The following VPS72 variants were observed in gnomAD, a reference collection of about 807,000 sequenced individuals.
VPS72 encodes the protein vacuolar protein sorting 72 homolog, also known as vacuolar protein sorting-associated protein 72 homolog.
In VPS72, 27 loss-of-function variants were observed where a neutral mutation model predicts 38.9. That is an observed-to-expected ratio of 0.69 (90% CI 0.51 to 0.96). VPS72 has a LOEUF of 0.96. Among genes scored for constraint, VPS72 ranks in the 40% least tolerant of loss-of-function variants. The probability of loss-of-function intolerance (pLI) is 0.00; values close to 1 mark genes in which losing one functional copy is unlikely to be tolerated. For missense variants in VPS72, 360 were observed against 479.5 expected (o/e 0.75, Z 2.33); for synonymous variants, 173 against 186.3 (o/e 0.93, Z 0.58).
intron 4 of VPS72, among the ~76,000 whole-genome samples, chr1:151,180,008 A>C (rs1005012853): frequency 6.6e-6 from 1 of 151,754 alleles, no homozygotes; most frequent in African/African-American, 2.4e-5. Context: ...ACAATTCCCT[A>C]AAGTCTGACC....
intron 1 of VPS72, among the ~76,000 whole-genome samples, chr1:151,189,081 G>A (rs773869431): frequency 1.2e-4 from 18 of 152,052 alleles, no homozygotes; most frequent in Non-Finnish European, 1.9e-4. Context: ...CACCCGCCTC[G>A]GCCTTCCAAA....
At chr1:151,188,894 G>C (rs1177085309) in intron 1 of VPS72, among the ~76,000 whole-genome samples, 1 of 151,886 alleles carries the variant, frequency 6.6e-6, no homozygotes, top group Non-Finnish European at 1.5e-5. Context: ...GCAGTGGTAC[G>C]ATCTCGGCTC....
At chr1:151,188,568 A>C (rs906131580) in intron 1 of VPS72, among the ~76,000 whole-genome samples, 8 of 152,202 alleles carry the variant, frequency 5.3e-5, no homozygotes, top group African/African-American at 1.9e-4. Flanking sequence ...CAGGCTTATC[A>C]ATCTTTAGTC....
chr1:151,187,306 G>A (rs1207013131), intron 1 of VPS72, among the ~76,000 whole-genome samples: 1 of 152,126 alleles, frequency 6.6e-6, no homozygotes, highest in Non-Finnish European at 1.5e-5. Context: ...CAGACTAATG[G>A]GCTAATCTTG....
chr1:151,183,456 C>T (rs1328772661), intron 4 of VPS72, among the ~76,000 whole-genome samples: 1 of 149,100 alleles, frequency 6.7e-6, no homozygotes, highest in East Asian at 2.0e-4. Flanking sequence ...AAAGGAAAAC[C>T]TGGGAGTCAC....
At chr1:151,179,540 A>C (rs1285863003) in intron 4 of VPS72, among the ~76,000 whole-genome samples, 1 of 151,284 alleles carries the variant, frequency 6.6e-6, no homozygotes, top group East Asian at 1.9e-4. Context: ...CAGAGCTTGC[A>C]GTGAGCTGAG....
rs201073461 is a variant in VPS72 at position 151,189,995 on chromosome 1, C to G, written c.117+10G>C. 4,638 of 1,613,894 alleles carry G rather than the reference C, an allele frequency of 2.9e-3. 11 individuals carry two copies. The highest frequency in any genetic ancestry group is 3.2e-3 in the Non-Finnish European group (3,798 of 1,179,830). On this transcript the variant is annotated intron_variant, in intron 1 of 5. Transcript: ENST00000368892. ...CTCCTCCCCTCCCTTTTCCCAGGCCCGGATCTTGCCTCTGTGAAACCCCCA... is the reference window on the plus strand; with the variant it reads ...CTCCTCCCCTCCCTTTTCCCAGGCCGGGATCTTGCCTCTGTGAAACCCCCA...
At chr1:151,178,630 C>T (rs943828385) in intron 4 of VPS72, among the ~76,000 whole-genome samples, 3 of 151,040 alleles carry the variant, frequency 2.0e-5, no homozygotes, top group Non-Finnish European at 4.4e-5. Context: ...GATCATATCT[C>T]CAAAAAAAAA....
intron 4 of VPS72, among the ~76,000 whole-genome samples, chr1:151,180,237 T>A (rs1405130843): frequency 6.6e-6 from 1 of 151,102 alleles, no homozygotes; most frequent in Non-Finnish European, 1.5e-5. Flanking sequence ...GACAATCACT[T>A]GAACCTGGGA....
intron 4 of VPS72, among the ~76,000 whole-genome samples, chr1:151,181,838 G>A (rs896182072): frequency 2.0e-5 from 3 of 152,118 alleles, no homozygotes; most frequent in African/African-American, 7.2e-5. Context: ...GACATCAGGT[G>A]AGAACCTCCG....
chr1:151,181,190 G>C (rs909127297), intron 4 of VPS72, among the ~76,000 whole-genome samples: 2 of 151,450 alleles, frequency 1.3e-5, no homozygotes, highest in Non-Finnish European at 1.5e-5. Context: ...CTTCAACACT[G>C]CATGGCCACA....
At chr1:151,187,182 G>A (rs1684370662) in intron 1 of VPS72, among the ~76,000 whole-genome samples, 1 of 152,118 alleles carries the variant, frequency 6.6e-6, no homozygotes, top group African/African-American at 2.4e-5. Flanking sequence ...AACTGGTTAG[G>A]GCTAGAATGG....
At chr1:151,183,421 C>CAA (rs769884773) in intron 4 of VPS72, among the ~76,000 whole-genome samples, 41 of 50,824 alleles carry the variant, frequency 8.1e-4, no homozygotes, top group Admixed American at 1.1e-3. Context: ...GACTCTGTCT[C>CAA]AAAAAAAAAA....
intron 5 of VPS72, 75 bp from the exon 6 acceptor site, chr1:151,177,106 G>C: frequency 6.9e-7 from 1 of 1,449,152 alleles, no homozygotes; most frequent in Non-Finnish European, 9.1e-7. Flanking sequence ...AGGAAATCAG[G>C]CTGGGTGCAG....
rs781296952 is a variant in VPS72, at chr1:151,185,575, C to T, written c.316G>A (p.Gly106Ser). 6.2e-7 allele frequency: 1 copy of T among 1,614,152 alleles called. No homozygotes were observed. Among genetic ancestry groups the T allele is most frequent in the South Asian group, 1.1e-5 (1 of 91,084 alleles). Residue 106 changes from glycine (G) to serine (S), a missense_variant, in exon 3 of 6, where the codon GGT becomes AGT. Transcript: ENST00000368892. ...LRPRKVNTPAGSSQKAREEKA... is the reference protein window; with the variant it reads ...LRPRKVNTPASSSQKAREEKA... ...TCTTCTCGCGCCTTCTGAGAGCTAC[C>T]AGCCGGGGTGTTGACCTTTCGAGGC...
chr1:151,178,741 C>G (rs975329558), intron 4 of VPS72, among the ~76,000 whole-genome samples: 2 of 152,138 alleles, frequency 1.3e-5, no homozygotes, highest in Non-Finnish European at 2.9e-5. Context: ...TACAGGGGAA[C>G]AATTAGCTGA....
intron 1 of VPS72, among the ~76,000 whole-genome samples, chr1:151,188,767 T>TC (rs1328152611): frequency 1.3e-5 from 2 of 152,226 alleles, no homozygotes; most frequent in Non-Finnish European, 1.5e-5. Context: ...CCTATCCTGA[T>TC]CAACAACTTT....
In VPS72 at chr1:151,186,818, G is replaced by A. The variant is rs587759016; in HGVS notation, c.118-868C>T. The stretch of plus-strand genomic sequence containing the variant: ...CCTTCCAACACTGATTGCACTGTAG[G>A]ACTGTATGATTTGAAAAGAAGGTTG... On this transcript the variant is annotated intron_variant, in intron 1 of 5. Coordinates refer to ENST00000368892, the MANE Select transcript of VPS72 (RefSeq NM_005997.3). Among the ~76,000 whole-genome samples, 11 of 152,316 alleles carry A rather than the reference G, an allele frequency of 7.2e-5. No individual in the cohort carries two copies. In the East Asian group the frequency reaches 1.3e-3, roughly 19 times the overall value.
At chr1:151,180,122 A>G (rs2101723428) in intron 4 of VPS72, among the ~76,000 whole-genome samples, 1 of 152,020 alleles carries the variant, frequency 6.6e-6, no homozygotes. Context: ...AGTTTGAGAC[A>G]GACCTGGTCA....
Sources: gnomAD v4.1 joint callset for allele counts (sites outside exome capture counted in the v4.1 genomes callset) on GRCh38, gnomAD v4.1.1 for gene constraint, MANE v1.5 for transcripts, NCBI Gene and HGNC (gene_info 2026-07-23, HGNC 2026-07-21) for gene names.